HPSE2: variants seen among roughly 807,000 people sequenced by gnomAD.
The protein encoded by HPSE2 is inactive heparanase-2.
A neutral mutation model predicts 60.5 loss-of-function variants in HPSE2; 38 were observed. That is an observed-to-expected ratio of 0.63 (90% CI 0.48 to 0.82). HPSE2 has a LOEUF of 0.82. Ranked by LOEUF, HPSE2 falls within the 40% of genes least tolerant of loss-of-function variation. The pLI, the probability that HPSE2 is intolerant of heterozygous loss-of-function variation, is 0.00. For synonymous variants in HPSE2, 295 were observed against 293.2 expected (o/e 1.01, Z -0.06); for missense variants, 713 against 740.4 (o/e 0.96, Z 0.43).
intron 3 of HPSE2, among the ~76,000 whole-genome samples, chr10:98,937,897 G>C (rs1954856661): frequency 7.0e-6 from 1 of 143,426 alleles, no homozygotes; most frequent in South Asian, 2.1e-4. Flanking sequence ...AAAACTTCCA[G>C]AGGAACGATC....
At chr10:98,513,751 G>A (rs1942498364) in intron 9 of HPSE2, among the ~76,000 whole-genome samples, 1 of 152,214 alleles carries the variant, frequency 6.6e-6, no homozygotes, top group Admixed American at 6.5e-5. Context: ...TGGAGAGTCA[G>A]ATCATGAAAG....
intron 3 of HPSE2, among the ~76,000 whole-genome samples, chr10:98,951,052 G>T (rs1289149583): frequency 1.3e-5 from 2 of 152,246 alleles, no homozygotes; most frequent in South Asian, 2.1e-4. Flanking sequence ...AAAAGTGGTG[G>T]TCAGCCCCTT....
chr10:98,993,947 C>A (rs1012716110), intron 3 of HPSE2, among the ~76,000 whole-genome samples: 1 of 152,180 alleles, frequency 6.6e-6, no homozygotes, highest in African/African-American at 2.4e-5. Flanking sequence ...CAACATACTT[C>A]TTTTGCCACA....
intron 11 of HPSE2, chr10:98,461,941 A>G (rs927282814): frequency 1.5e-5 from 11 of 754,016 alleles, no homozygotes; most frequent in Non-Finnish European, 2.1e-5. Context: ...AGCTAAGAGT[A>G]GAACCAGGAA....
chr10:98,898,799 CAGAT>C (rs1016327591), intron 3 of HPSE2, among the ~76,000 whole-genome samples: 1 of 152,032 alleles, frequency 6.6e-6, no homozygotes, highest in African/African-American at 2.4e-5. Context: ...TAAAGATCAA[CAGAT>C]AGACACATGG....
intron 6 of HPSE2, among the ~76,000 whole-genome samples, chr10:98,685,532 T>G (rs2134147855): frequency 6.6e-6 from 1 of 152,302 alleles, no homozygotes; most frequent in Non-Finnish European, 1.5e-5. Flanking sequence ...ATAAGGCTTT[T>G]TCACTCAGCA....
intron 3 of HPSE2, among the ~76,000 whole-genome samples, chr10:99,143,321 T>C (rs1845932705): frequency 6.6e-6 from 1 of 152,162 alleles, no homozygotes; most frequent in African/African-American, 2.4e-5. Flanking sequence ...CACTCAGCAA[T>C]TCCTGGTGAC....
At chr10:98,936,991 A>AC (rs1161588652) in intron 3 of HPSE2, among the ~76,000 whole-genome samples, 2 of 140,518 alleles carry the variant, frequency 1.4e-5, no homozygotes, top group Non-Finnish European at 3.0e-5. Flanking sequence ...AAAAAAAAAA[A>AC]AAAAAAAAAA....
intron 3 of HPSE2, among the ~76,000 whole-genome samples, chr10:99,123,465 T>C (rs977753087): frequency 4.6e-5 from 7 of 152,142 alleles, no homozygotes; most frequent in Non-Finnish European, 1.0e-4. Flanking sequence ...TAAAAAAGAT[T>C]AAAAACAGCA....
At chr10:99,194,136 G>A (rs1201886867) in intron 2 of HPSE2, among the ~76,000 whole-genome samples, 4 of 151,804 alleles carry the variant, frequency 2.6e-5, no homozygotes, top group African/African-American at 9.7e-5. Flanking sequence ...TTGAAACATA[G>A]AACACATGGA....
the HPSE2 span, among the ~76,000 whole-genome samples, chr10:99,258,390 A>AATATAT: frequency 3.8e-3 from 565 of 147,718 alleles, 4 homozygotes; most frequent in Admixed American, 5.4e-3. Context: ...TAAATGGAGT[A>AATATAT]ATATATATAT....
At chr10:99,051,949 T>TA (rs200859034) in intron 3 of HPSE2, among the ~76,000 whole-genome samples, 3,280 of 145,104 alleles carry the variant, frequency 0.023, 100 homozygotes, top group African/African-American at 0.068. Flanking sequence ...TGCTTGAAAT[T>TA]AAAAAAAAAA....
chr10:99,064,049 C>T (rs561638800), intron 3 of HPSE2, among the ~76,000 whole-genome samples: 1 of 152,186 alleles, frequency 6.6e-6, no homozygotes, highest in East Asian at 1.9e-4. Flanking sequence ...GCTGAGATCG[C>T]GCCACTGCAC....
chr10:99,089,845 T>G (rs948208235), intron 3 of HPSE2, among the ~76,000 whole-genome samples: 2 of 152,212 alleles, frequency 1.3e-5, no homozygotes, highest in African/African-American at 2.4e-5. Context: ...TATCTCTGAT[T>G]TCTTTCAGCA....
chr10:99,023,974 A>G (rs1957322606), intron 3 of HPSE2, among the ~76,000 whole-genome samples: 1 of 152,252 alleles, frequency 6.6e-6, no homozygotes, highest in Non-Finnish European at 1.5e-5. Context: ...CCAGGAAGAC[A>G]TGACCTCACC....
chr10:98,486,059 C>A (rs887873821), intron 10 of HPSE2, among the ~76,000 whole-genome samples: 2 of 152,186 alleles, frequency 1.3e-5, no homozygotes, highest in African/African-American at 2.4e-5. Context: ...CATATAGAGG[C>A]TCTCAGAACT....
At chr10:99,079,688 T>C (rs912894829) in intron 3 of HPSE2, among the ~76,000 whole-genome samples, 1 of 152,094 alleles carries the variant, frequency 6.6e-6, no homozygotes. Context: ...TCCAGAGAAG[T>C]TGAGGCATTG....
At chr10:99,208,288 G>GAAAC (rs1330521062) in intron 2 of HPSE2, among the ~76,000 whole-genome samples, 1 of 152,008 alleles carries the variant, frequency 6.6e-6, no homozygotes, top group East Asian at 1.9e-4. Flanking sequence ...CAGGAAGAAA[G>GAAAC]AAACAAACAA....
chr10:98,865,139 A>G (rs1245105932), intron 3 of HPSE2, among the ~76,000 whole-genome samples: 1 of 152,116 alleles, frequency 6.6e-6, no homozygotes, highest in Non-Finnish European at 1.5e-5. Flanking sequence ...TAGGAGAGGA[A>G]CTAAGACTTA....
Sources: gnomAD v4.1 joint callset for allele counts (sites outside exome capture counted in the v4.1 genomes callset) on GRCh38, gnomAD v4.1.1 for gene constraint, MANE v1.5 for transcripts, NCBI Gene and HGNC (gene_info 2026-07-23, HGNC 2026-07-21) for gene names.